The following ILDR1 variants were observed in gnomAD, a reference collection of about 807,000 sequenced individuals.
ILDR1 encodes immunoglobulin like domain containing receptor 1.
A neutral mutation model predicts 62.4 loss-of-function variants in ILDR1; 56 were observed. The ratio of observed to expected loss-of-function variants is 0.90; its 90% CI spans 0.72 to 1.12. The LOEUF (loss-of-function observed/expected upper bound fraction) is 1.12, where lower values mean the gene tolerates loss of function less well. Among genes scored for constraint, ILDR1 ranks in the 50% most tolerant of loss-of-function variants. The pLI, the probability that ILDR1 is intolerant of heterozygous loss-of-function variation, is 0.00. For missense variants in ILDR1, 736 were observed against 710.6 expected, an observed-to-expected ratio of 1.04 and a Z score of -0.41; for synonymous variants, 284 against 277.8, an observed-to-expected ratio of 1.02 and a Z score of -0.22.
chr3:122,056,168 A>T, the ILDR1 span, among the ~76,000 whole-genome samples: 1 of 151,980 alleles, frequency 6.6e-6, no homozygotes, highest in Non-Finnish European at 1.5e-5. Flanking sequence ...GGCTTAAAAA[A>T]CTTGCCCAAG....
rs750265948 is a variant in ILDR1, at chr3:122,001,744, CG to C, written c.499del (p.His167ThrfsTer3). 3 of 1,612,164 alleles carry C rather than the reference CG, an allele frequency of 1.9e-6. No individual in the cohort carries two copies. Among genetic ancestry groups the C allele is most frequent in the South Asian group, 1.1e-5 (1 of 91,004 alleles). ...GAATAGAAAGCTCCAGTAGCACTTA[CG>C]TAGGACGATGAGCTTTACTTCCTTA... Reference protein sequence around the residue: ...PDKEVKLIVLHWLTVIFIILG... With the variant: ...PDKEVKLIVLXWLTVIFIILG... On this transcript the variant is annotated frameshift_variant and splice_region_variant, in exon 4 of 8. Transcript: ENST00000344209. LOFTEE classifies it high-confidence loss of function.
At chr3:122,015,416 G>A (rs1340196952) in intron 1 of ILDR1, among the ~76,000 whole-genome samples, 1 of 152,136 alleles carries the variant, frequency 6.6e-6, no homozygotes, top group Non-Finnish European at 1.5e-5. Context: ...GTTTGGCTGT[G>A]TCCCCACCCA....
the ILDR1 span, chr3:122,055,604 T>G: frequency 4.7e-6 from 5 of 1,069,504 alleles, no homozygotes; most frequent in Non-Finnish European, 7.2e-6. Context: ...CTTCACTTAG[T>G]TCCTAAGTGG....
intron 3 of ILDR1, among the ~76,000 whole-genome samples, chr3:122,003,275 A>G (rs1008892136): frequency 2.0e-5 from 3 of 152,214 alleles, no homozygotes; most frequent in African/African-American, 7.2e-5. Flanking sequence ...AGGAAATGAA[A>G]CAAAAATGCA....
the ILDR1 span, among the ~76,000 whole-genome samples, chr3:122,045,588 G>C: frequency 6.7e-6 from 1 of 149,580 alleles, no homozygotes; most frequent in African/African-American, 2.4e-5. Context: ...CTTGCTTTAT[G>C]AATCTGGGTG....
At chr3:122,024,038 C>G (rs946664060), upstream of ILDR1, among the ~76,000 whole-genome samples, 1 of 151,906 alleles carries the variant, frequency 6.6e-6, no homozygotes, top group African/African-American at 2.4e-5. Context: ...CCTCAGCCCC[C>G]GCTTTGGTAT....
chr3:121,992,894 G>A (rs371462697), intron 7 of ILDR1, among the ~76,000 whole-genome samples: 8 of 152,352 alleles, frequency 5.3e-5, no homozygotes, highest in African/African-American at 1.9e-4. Flanking sequence ...CTACCCCACA[G>A]GACTGCGATG....
chr3:122,020,839 T>C (rs1387767902), intron 1 of ILDR1, among the ~76,000 whole-genome samples: 1 of 152,170 alleles, frequency 6.6e-6, no homozygotes, highest in African/African-American at 2.4e-5. Context: ...GTTTCTAGGG[T>C]CTATATCCTG....
the ILDR1 span, among the ~76,000 whole-genome samples, chr3:122,036,635 T>G: frequency 6.6e-6 from 1 of 151,320 alleles, no homozygotes; most frequent in African/African-American, 2.4e-5. Context: ...TTTGGAAAAT[T>G]TGTAGCCTTG....
intron 7 of ILDR1, among the ~76,000 whole-genome samples, chr3:121,988,631 C>T: frequency 6.6e-6 from 1 of 152,176 alleles, no homozygotes; most frequent in East Asian, 1.9e-4. Flanking sequence ...CCTCAAATAC[C>T]TTTAATTTCT....
At chr3:122,020,393 T>C (rs1357396665) in intron 1 of ILDR1, among the ~76,000 whole-genome samples, 1 of 152,250 alleles carries the variant, frequency 6.6e-6, no homozygotes, top group Non-Finnish European at 1.5e-5. Flanking sequence ...ATTAAATAGC[T>C]GAATGTAGTT....
chr3:122,015,752 C>A (rs139080818), intron 1 of ILDR1, among the ~76,000 whole-genome samples: 6 of 152,188 alleles, frequency 3.9e-5, no homozygotes, highest in Non-Finnish European at 7.3e-5. Context: ...AGCATGAGAA[C>A]GGACTAATAC....
rs537990178 is a variant in ILDR1, at chr3:122,002,054, C to T, written c.380-190G>A. Among the ~76,000 whole-genome samples the T allele has an allele frequency of 2.6e-5, 4 of 152,244 alleles. No homozygotes were observed. In the South Asian group the frequency reaches 8.3e-4, roughly 32 times the overall value. On this transcript the variant is annotated intron_variant, in intron 3 of 7. Coordinates refer to ENST00000344209, the MANE Select transcript of ILDR1 (RefSeq NM_001199799.2). Reference sequence around the variant, plus strand: ...TCTCTGGAGACCGAGGTGGGAGGATCGCTTGAGCCCAGGAAGTTGAAGCTG... The same window carrying T: ...TCTCTGGAGACCGAGGTGGGAGGATTGCTTGAGCCCAGGAAGTTGAAGCTG...
chr3:121,993,027 C>T (rs2071372845), intron 7 of ILDR1, 123 bp downstream of exon 7: 7 of 836,392 alleles, frequency 8.4e-6, no homozygotes, highest in South Asian at 5.9e-5. Flanking sequence ...GTAATTTGGG[C>T]AAAACAGGGA....
intron 1 of ILDR1, among the ~76,000 whole-genome samples, chr3:122,008,638 G>C (rs2071654597): frequency 7.1e-6 from 1 of 141,614 alleles, no homozygotes; most frequent in African/African-American, 2.7e-5. Flanking sequence ...CTGTCACTCA[G>C]GCTGGAGTGC....
At chr3:122,040,749 A>G in the ILDR1 span, among the ~76,000 whole-genome samples, 1 of 142,408 alleles carries the variant, frequency 7.0e-6, no homozygotes, top group African/African-American at 2.7e-5. Context: ...AAAAAAAAAA[A>G]CAAGAATTAG....
chr3:122,058,867 G>A, the ILDR1 span, among the ~76,000 whole-genome samples: 2 of 152,220 alleles, frequency 1.3e-5, no homozygotes, highest in East Asian at 3.9e-4. Flanking sequence ...ATGAAACCAG[G>A]GCAGTTATGG....
intron 1 of ILDR1, among the ~76,000 whole-genome samples, chr3:122,017,839 T>G (rs147645087): frequency 0.056 from 8,498 of 152,146 alleles, 341 homozygotes; most frequent in Middle Eastern, 0.085. Context: ...AAATCCACAA[T>G]GAGATACCAT....
the ILDR1 span, among the ~76,000 whole-genome samples, chr3:122,033,200 A>G: frequency 1.3e-5 from 2 of 151,886 alleles, no homozygotes; most frequent in Admixed American, 6.6e-5. Flanking sequence ...TGGGTGTGAG[A>G]TGGTATTTTG....
Sources: gnomAD v4.1 joint callset for allele counts (sites outside exome capture counted in the v4.1 genomes callset) on GRCh38, gnomAD v4.1.1 for gene constraint, MANE v1.5 for transcripts, NCBI Gene and HGNC (gene_info 2026-07-23, HGNC 2026-07-21) for gene names.